The following DNAH11 variants were observed in gnomAD, a reference collection of about 807,000 sequenced individuals.
The protein encoded by DNAH11 is axonemal beta dynein heavy chain 11.
In DNAH11, 442 loss-of-function variants were observed where a neutral mutation model predicts 526.0. The observed-to-expected ratio is 0.84, with a 90% CI of 0.78 to 0.91. The LOEUF (loss-of-function observed/expected upper bound fraction) is 0.91, where lower values mean the gene tolerates loss of function less well. Ranked by LOEUF, DNAH11 falls within the 40% of genes least tolerant of loss-of-function variation. The pLI, the probability that DNAH11 is intolerant of heterozygous loss-of-function variation, is 0.00. For missense variants in DNAH11, 6,989 were observed against 5,448.7 expected, an observed-to-expected ratio of 1.28 and a Z score of -8.90; for synonymous variants, 2,461 against 1,935.9, an observed-to-expected ratio of 1.27 and a Z score of -7.12.
rs1207277312 is a variant in DNAH11 at position 21,873,592 on chromosome 7, G to A, written c.12195+91G>A. ...AGAATCAACCCAGGCATGTCATTGA[G>A]AGGGATGAAGCAAGTTCTTAATGTT... On this transcript the variant is annotated intron_variant, in intron 74 of 81. Transcript: ENST00000409508. The A allele has an allele frequency of 4.0e-6, 5 of 1,262,330 alleles. No individual in the cohort carries two copies. In the African/African-American group the frequency reaches 4.5e-5, roughly 11 times the overall value. 78.2% of individuals were successfully genotyped at this position (1,262,330 alleles called of 1,614,324 possible).
chr7:21,645,941 T>C (rs192082823), intron 28 of DNAH11, among the ~76,000 whole-genome samples: 6 of 152,264 alleles, frequency 3.9e-5, no homozygotes, highest in Non-Finnish European at 8.8e-5. Context: ...AAAAAATGGA[T>C]AAATTTGACT....
chr7:21,758,848 G>C (rs1786755832), intron 54 of DNAH11, among the ~76,000 whole-genome samples: 2 of 152,312 alleles, frequency 1.3e-5, no homozygotes, highest in Admixed American at 1.3e-4. Flanking sequence ...GGGTTTGCTG[G>C]TAGAGTCTGA....
intron 30 of DNAH11, among the ~76,000 whole-genome samples, chr7:21,678,515 A>G (rs1174100401): frequency 6.6e-6 from 1 of 152,058 alleles, no homozygotes; most frequent in Non-Finnish European, 1.5e-5. Context: ...TTTCTTGCTT[A>G]AGATTGCTTT....
At chr7:21,629,806 G>A (rs1168958011) in intron 25 of DNAH11, among the ~76,000 whole-genome samples, 1 of 152,018 alleles carries the variant, frequency 6.6e-6, no homozygotes, top group Non-Finnish European at 1.5e-5. Context: ...CAGTCTGTGT[G>A]TGTCTTTATA....
intron 54 of DNAH11, among the ~76,000 whole-genome samples, chr7:21,752,755 C>G (rs931464543): frequency 2.0e-5 from 3 of 151,990 alleles, no homozygotes; most frequent in Admixed American, 2.0e-4. Flanking sequence ...TCTTGTTGCC[C>G]AGGCTGGAAT....
intron 65 of DNAH11, among the ~76,000 whole-genome samples, chr7:21,835,832 A>G (rs1781973504): frequency 6.6e-6 from 1 of 151,432 alleles, no homozygotes; most frequent in Non-Finnish European, 1.5e-5. Flanking sequence ...TTTGCAGATG[A>G]CATGATTGTA....
At chr7:21,764,442 G>A (rs57870880) in intron 54 of DNAH11, among the ~76,000 whole-genome samples, 1 of 152,064 alleles carries the variant, frequency 6.6e-6, no homozygotes, top group African/African-American at 2.4e-5. Context: ...GATATCATCA[G>A]GTCTGAGCCA....
chr7:21,547,278 C>T (rs181061877), intron 2 of DNAH11, among the ~76,000 whole-genome samples: 3 of 152,322 alleles, frequency 2.0e-5, no homozygotes, highest in Admixed American at 2.0e-4. Flanking sequence ...ATGACACAGA[C>T]ATTAAGTTTT....
In DNAH11 at chr7:21,623,657, C is replaced by A. The variant is rs1786189175; in HGVS notation, c.4500+3579C>A. Among the ~76,000 whole-genome samples, 3 of 151,972 alleles carry A rather than the reference C, an allele frequency of 2.0e-5. No individual in the cohort carries two copies. In the South Asian group the frequency reaches 6.2e-4, roughly 32 times the overall value. ...GCCATAAAAAATGATGAGTTCATGT[C>A]CTTTGTAGGGACATGGATGAAATTG... On this transcript the variant is annotated intron_variant, in intron 25 of 81. Transcript: ENST00000409508.
chr7:21,690,304 A>T (rs931041156), intron 34 of DNAH11, among the ~76,000 whole-genome samples: 1 of 152,194 alleles, frequency 6.6e-6, no homozygotes, highest in South Asian at 2.1e-4. Context: ...TCTTGAGTCA[A>T]TGAAAGGTAT....
At chr7:21,779,731 A>G (rs980524658) in intron 57 of DNAH11, among the ~76,000 whole-genome samples, 1 of 152,234 alleles carries the variant, frequency 6.6e-6, no homozygotes, top group Non-Finnish European at 1.5e-5. Context: ...CGTCAGCTAC[A>G]AATGGAAGAC....
chr7:21,878,956 G>T (rs1175246566), intron 74 of DNAH11, among the ~76,000 whole-genome samples: 1 of 152,198 alleles, frequency 6.6e-6, no homozygotes, highest in Non-Finnish European at 1.5e-5. Context: ...TTCCTCCCCT[G>T]TTGCTCAATG....
intron 49 of DNAH11, among the ~76,000 whole-genome samples, 200 bp downstream of exon 49, chr7:21,742,366 G>A (rs928684468): frequency 6.6e-6 from 1 of 152,096 alleles, no homozygotes; most frequent in Non-Finnish European, 1.5e-5. Context: ...CTCAGGAGCT[G>A]ACAATCGTGG....
Position 21,545,050 on chromosome 7 carries a change from G to T in DNAH11, c.396G>T (p.Lys132Asn), listed in dbSNP as rs548141180. Residue 132 changes from lysine to asparagine, a missense_variant, in exon 2 of 82, where the codon AAG becomes AAT. Physicochemically the swap from Lys to Asn is moderately conservative, Grantham distance 94. Transcript: ENST00000409508. Reference sequence around the variant, plus strand: ...ATAAACTTGTTTTTATTTCCAAGAAGATTACTGAAAGCATTGGAGTAAATG... The same window carrying T: ...ATAAACTTGTTTTTATTTCCAAGAATATTACTGAAAGCATTGGAGTAAATG... ...ANHKLVFISK[K>N]ITESIGVNDF... The T allele has an allele frequency of 3.1e-6, 5 of 1,600,672 alleles. No homozygotes were observed. The highest frequency in any genetic ancestry group is 2.7e-5 in the African/African-American group (2 of 74,780).
intron 44 of DNAH11, among the ~76,000 whole-genome samples, chr7:21,721,227 C>T (rs1358678755): frequency 6.6e-6 from 1 of 152,196 alleles, no homozygotes; most frequent in Non-Finnish European, 1.5e-5. Flanking sequence ...TTTTCTTTTG[C>T]TCAGTGGTAC....
intron 61 of DNAH11, among the ~76,000 whole-genome samples, chr7:21,795,790 G>A (rs908109200): frequency 3.9e-5 from 6 of 152,242 alleles, no homozygotes; most frequent in South Asian, 4.2e-4. Flanking sequence ...AAGGGAGGTT[G>A]CATTGGCTAC....
rs1491080064 is a variant in DNAH11, at chr7:21,724,776, G to GGCAC, written c.7267-1035_7267-1034insGCAC. Among the ~76,000 whole-genome samples the GGCAC allele has an allele frequency of 2.6e-5, 4 of 151,604 alleles. 1 individual carries two copies. The highest frequency in any genetic ancestry group is 9.7e-5 in the African/African-American group (4 of 41,312). ...GCCAGGTCATCCTATGAATATAGGA[G>GGCAC]TCACTGGGCCAGGTCATCCTGTGGA... On this transcript the variant is annotated intron_variant, in intron 44 of 81. Coordinates refer to ENST00000409508, the MANE Select transcript of DNAH11 (RefSeq NM_001277115.2).
chr7:21,877,948 A>G (rs1783783553), intron 74 of DNAH11, among the ~76,000 whole-genome samples: 1 of 150,542 alleles, frequency 6.6e-6, no homozygotes, highest in Non-Finnish European at 1.5e-5. Context: ...GGCTCCCTTC[A>G]CACCCAGATA....
In DNAH11 at chr7:21,600,900, A is replaced by G. The variant is rs1176263735; in HGVS notation, c.3225A>G (p.Gln1075=). The G allele has an allele frequency of 6.2e-7, 1 of 1,613,950 alleles. No individual in the cohort carries two copies. Among genetic ancestry groups the G allele is most frequent in the Admixed American group, 1.7e-5 (1 of 60,010 alleles). The change falls in exon 16 of 82, where the codon CAA becomes CAG. Residue 1075 remains glutamine, a synonymous_variant. Transcript: ENST00000409508. ...DAHANEEIPE[Q]PPTLEQFKEQ... ...ATGCAAATGAAGAAATTCCCGAACAACCACCAACTCTTGAGCAATTCAAAG... is the reference window on the plus strand; with the variant it reads ...ATGCAAATGAAGAAATTCCCGAACAGCCACCAACTCTTGAGCAATTCAAAG...
Sources: gnomAD v4.1 joint callset for allele counts (sites outside exome capture counted in the v4.1 genomes callset) on GRCh38, gnomAD v4.1.1 for gene constraint, MANE v1.5 for transcripts, NCBI Gene and HGNC (gene_info 2026-07-23, HGNC 2026-07-21) for gene names.